Variants in GLUD1 observed in about 807,000 individuals in gnomAD.
The protein encoded by GLUD1 is glutamate dehydrogenase 1, mitochondrial.
Under a neutral mutation model 56.0 loss-of-function variants are expected in GLUD1, and 22 were observed. That is an observed-to-expected ratio of 0.39 (90% confidence interval 0.28 to 0.56). The LOEUF (loss-of-function observed/expected upper bound fraction) is 0.56. Ranked by LOEUF, GLUD1 falls within the 20% of genes least tolerant of loss-of-function variation. The pLI, the probability that GLUD1 is intolerant of heterozygous loss-of-function variation, is 0.58. For synonymous variants in GLUD1, 223 were observed against 269.9 expected (o/e 0.83, Z 1.70); for missense variants, 451 against 732.0 (o/e 0.62, Z 4.43).
In GLUD1 at chr10:87,079,903, C is replaced by T. The variant is rs1431758223; in HGVS notation, c.446-3247G>A. Among the ~76,000 whole-genome samples, 162 of 105,058 alleles carry T rather than the reference C, an allele frequency of 1.5e-3. 3 individuals are homozygous for T. Among genetic ancestry groups the T allele is most frequent in the African/African-American group, 6.1e-3 (146 of 24,052 alleles). 68.9% of individuals were successfully genotyped at this position (105,058 alleles called of 152,430 possible). On this transcript the variant is annotated intron_variant, in intron 1 of 12. Coordinates refer to ENST00000277865, the MANE Select transcript of GLUD1 (RefSeq NM_005271.5). ...AGAACTAGTGCTCTCCCTCTCCCTC[C>T]CCCTCCCCCTCCCCCTCTCCCTCCC... is the stretch of plus-strand genomic sequence containing the variant.
intron 5 of GLUD1, among the ~76,000 whole-genome samples, chr10:87,066,198 T>C (rs1846070628): frequency 6.6e-6 from 1 of 152,182 alleles, no homozygotes; most frequent in Admixed American, 6.5e-5. Context: ...GTCTTCTTTC[T>C]GCTTCTCTCC....
chr10:87,057,919 A>C (rs1430139150), intron 10 of GLUD1, 137 bp from the exon 11 acceptor site: 1 of 646,178 alleles, frequency 1.5e-6, no homozygotes, highest in Non-Finnish European at 2.8e-6. Flanking sequence ...CCCAGGCTGG[A>C]GTGTAGAGGC....
chr10:87,060,109 G>A (rs1845889027), intron 9 of GLUD1, 52 bp downstream of exon 9: 3 of 1,130,168 alleles, frequency 2.7e-6, no homozygotes, highest in Admixed American at 3.4e-5. Context: ...CCTTGCAAAA[G>A]ACTATTATGA....
chr10:87,061,230 A>G (rs774590985), intron 6 of GLUD1, 178 bp from the exon 7 acceptor site: 1 of 736,822 alleles, frequency 1.4e-6, no homozygotes, highest in South Asian at 1.4e-5. Context: ...TCTCTGTTTA[A>G]GAATGTGATG....
chr10:87,091,870 T>G (rs1841517256), intron 1 of GLUD1, among the ~76,000 whole-genome samples: 1 of 151,968 alleles, frequency 6.6e-6, no homozygotes, highest in South Asian at 2.1e-4. Flanking sequence ...GTTTTTTTTT[T>G]TGGCAAAGAA....
At chr10:87,088,395 AGG>A (rs1841436612) in intron 1 of GLUD1, among the ~76,000 whole-genome samples, 1 of 152,222 alleles carries the variant, frequency 6.6e-6, no homozygotes, top group Admixed American at 6.5e-5. Flanking sequence ...TCTTGCCTGC[AGG>A]AACAAAAAAC....
chr10:87,074,760 C>T, intron 3 of GLUD1, 146 bp from the exon 4 acceptor site: 2 of 635,412 alleles, frequency 3.1e-6, no homozygotes, highest in Non-Finnish European at 5.7e-6. Flanking sequence ...TAGGCATTGC[C>T]ATTTTAAAGG....
Position 87,094,201 on chromosome 10 carries a change from G to C in GLUD1, c.445+124C>G. Reference sequence around the variant, plus strand: ...ACATCCGAGGCGGGGTGACCCGGGCGGGGACCCGGCCCGCTCCAGCTGGGC... The same window carrying C: ...ACATCCGAGGCGGGGTGACCCGGGCCGGGACCCGGCCCGCTCCAGCTGGGC... On this transcript the variant is annotated intron_variant, in intron 1 of 12. Coordinates refer to ENST00000277865, the MANE Select transcript of GLUD1 (RefSeq NM_005271.5). The surrounding 1 kb of genome is among the most constrained non-coding windows in gnomAD (Gnocchi z 6.6). 1 of 1,392,636 alleles carries C rather than the reference G, an allele frequency of 7.2e-7. No individual in the cohort carries two copies. The highest frequency in any genetic ancestry group is 9.5e-7 in the Non-Finnish European group (1 of 1,047,516). The allele number at this position is 1,392,636 out of a possible 1,614,324, so 86.3% of individuals were successfully genotyped here. A position where few individuals can be genotyped will look rare whatever the true frequency, so the allele number is the denominator to read the frequency against.
rs71473301 is a variant in GLUD1 at position 87,077,728 on chromosome 10, G to A, written c.446-1072C>T. ...TCCATTGCTTCTCAATCCCAAGGAG[G>A]AAAGTCTGAGTGGGGTTGATGTTTG... On this transcript the variant is annotated intron_variant, in intron 1 of 12. Transcript: ENST00000277865. Among the ~76,000 whole-genome samples the A allele has an allele frequency of 9.2e-3, 1,398 of 152,096 alleles. 13 individuals are homozygous for A. The highest frequency in any genetic ancestry group is 0.016 in the Non-Finnish European group (1,059 of 67,988).
chr10:87,085,478 A>T (rs1331307943), intron 1 of GLUD1, among the ~76,000 whole-genome samples: 1 of 152,216 alleles, frequency 6.6e-6, no homozygotes, highest in African/African-American at 2.4e-5. Context: ...TTTTAACCTG[A>T]ATAAATTTTG....
At position 87,094,496 on chromosome 10, in the gene GLUD1, G is replaced by T; in HGVS notation, c.274C>A (p.Arg92=). ...EDKLVEDLRT[R]ESEEQKRNRV... ...TTCCGCTTCTGCTCCTCGCTCTCCC[G>T]GGTCCTCAGGTCCTCCACCAGCTTG... Residue 92 remains arginine (R), a synonymous_variant, in exon 1 of 13, where the codon CGG becomes AGG. Coordinates refer to ENST00000277865, the MANE Select transcript of GLUD1 (RefSeq NM_005271.5). This position sits in a 1 kb window ranked among gnomAD's most constrained non-coding sequence, Gnocchi z 6.6. The T allele has an allele frequency of 6.2e-7, 1 of 1,613,534 alleles. No individual in the cohort carries two copies. Among genetic ancestry groups the T allele is most frequent in the Non-Finnish European group, 8.5e-7 (1 of 1,179,980 alleles).
At chr10:87,056,220 AGATAT>A (rs1477516280) in intron 11 of GLUD1, among the ~76,000 whole-genome samples, 3 of 151,736 alleles carry the variant, frequency 2.0e-5, no homozygotes, top group Non-Finnish European at 4.4e-5. Flanking sequence ...ATGTATTATA[AGATAT>A]AAGTCAGCCA....
At position 87,094,353 on chromosome 10, in the gene GLUD1, G is replaced by A. The variant is rs1345695453; in HGVS notation, c.417C>T (p.His139=). The A allele has an allele frequency of 3.1e-6, 5 of 1,611,456 alleles. No homozygotes were observed. Among genetic ancestry groups the A allele is most frequent in the East Asian group, 2.2e-5 (1 of 44,810 alleles). ...CCTTGCAGGGCGTGCGGTGCTGGCT[G>A]TGCTGGGCCCGGTAGCCTTCGATGA... ...WEVIEGYRAQ[H]SQHRTPCKGG... is the part of the protein sequence containing the mutation. The change falls in exon 1 of 13, where the codon CAC becomes CAT. Residue 139 remains histidine, a synonymous_variant. Coordinates refer to ENST00000277865, the MANE Select transcript of GLUD1 (RefSeq NM_005271.5). This position sits in a 1 kb window ranked among gnomAD's most constrained non-coding sequence, Gnocchi z 6.6.
chr10:87,062,956 G>A, intron 5 of GLUD1, 121 bp from the exon 6 acceptor site: 1 of 863,860 alleles, frequency 1.2e-6, no homozygotes, highest in East Asian at 2.6e-5. Context: ...TTAGGAGTGT[G>A]TGTATGAATG....
chr10:87,084,214 T>C (rs908172797), intron 1 of GLUD1, among the ~76,000 whole-genome samples: 3 of 152,248 alleles, frequency 2.0e-5, no homozygotes, highest in Non-Finnish European at 4.4e-5. Flanking sequence ...TTTAAATCAT[T>C]CCTTCTATTC....
Position 87,063,053 on chromosome 10 carries a change from TTC to T in GLUD1, c.742-220_742-219del, listed in dbSNP as rs1322128782. On this transcript the variant is annotated intron_variant, in intron 5 of 12. Coordinates refer to ENST00000277865, the MANE Select transcript of GLUD1 (RefSeq NM_005271.5). ...AAAATACAATAAAATATACTATATT[TTC>T]TGTTTTTTTTTTTGTTTGTTTGTTT... is the stretch of plus-strand genomic sequence containing the variant. 4.6e-5 allele frequency among the ~76,000 whole-genome samples: 6 copies of T among 129,482 alleles called. No individual in the cohort carries two copies. In the East Asian group the frequency reaches 1.4e-3, roughly 30 times the overall value. 84.9% of individuals were successfully genotyped at this position (129,482 alleles called of 152,430 possible).
At chr10:87,061,465 C>T (rs1845927380) in intron 6 of GLUD1, among the ~76,000 whole-genome samples, 1 of 152,024 alleles carries the variant, frequency 6.6e-6, no homozygotes, top group African/African-American at 2.4e-5. Context: ...TTGCAGTGAG[C>T]CGAGACTGCA....
intron 1 of GLUD1, chr10:87,091,614 C>G: frequency 1.0e-6 from 1 of 964,728 alleles, no homozygotes; most frequent in Non-Finnish European, 1.2e-6. Context: ...GCCTCAGGTA[C>G]ATGTAGTAAC....
chr10:87,082,989 C>A (rs1841297271), intron 1 of GLUD1, among the ~76,000 whole-genome samples: 1 of 152,066 alleles, frequency 6.6e-6, no homozygotes, highest in Admixed American at 6.5e-5. Flanking sequence ...GCCTATAATC[C>A]CAGCACTTTG....
Sources: gnomAD v4.1 joint callset for allele counts (sites outside exome capture counted in the v4.1 genomes callset) on GRCh38, gnomAD v4.1.1 for gene constraint, Gnocchi (gnomAD v3.1) non-coding constraint, MANE v1.5 for transcripts, NCBI Gene and HGNC (gene_info 2026-07-23, HGNC 2026-07-21) for gene names.